The following EFHD1 variants were observed in gnomAD, a reference collection of about 807,000 sequenced individuals.
EFHD1 encodes the protein EF-hand domain family member D1.
A neutral mutation model predicts 17.2 loss-of-function variants in EFHD1; 10 were observed. That is an observed-to-expected ratio of 0.58 (90% confidence interval 0.36 to 0.99). EFHD1 has a LOEUF of 0.99. Ranked by LOEUF, EFHD1 falls within the 50% of genes least tolerant of loss-of-function variation. The pLI is 0.01. For synonymous variants in EFHD1, 153 were observed against 142.0 expected (o/e 1.08, Z -0.55); for missense variants, 310 against 327.5 (o/e 0.95, Z 0.41).
intron 1 of EFHD1, among the ~76,000 whole-genome samples, chr2:232,659,412 G>T (rs1694817900): frequency 6.6e-6 from 1 of 152,178 alleles, no homozygotes. Flanking sequence ...GAAGCAGGTG[G>T]CTCCCTGAGC....
chr2:232,681,522 A>G, intron 3 of EFHD1, 63 bp from the exon 4 acceptor site: 2 of 1,573,100 alleles, frequency 1.3e-6, no homozygotes, highest in Non-Finnish European at 8.6e-7. Flanking sequence ...CTCAGGTGTC[A>G]GCAGCTCCAG....
At chr2:232,624,660 T>A (rs904609203) in intron 1 of EFHD1, among the ~76,000 whole-genome samples, 1 of 152,246 alleles carries the variant, frequency 6.6e-6, no homozygotes, top group Non-Finnish European at 1.5e-5. Flanking sequence ...GTGAATCACT[T>A]TAAGGGTTTC....
chr2:232,613,517 C>G (rs1693844971), intron 1 of EFHD1, among the ~76,000 whole-genome samples: 1 of 151,950 alleles, frequency 6.6e-6, no homozygotes. Flanking sequence ...TTGAAAACAA[C>G]CCCAATGCTC....
chr2:232,608,299 G>A (rs1402428060), intron 1 of EFHD1, among the ~76,000 whole-genome samples: 2 of 152,078 alleles, frequency 1.3e-5, no homozygotes, highest in South Asian at 4.1e-4. Context: ...GAATCCGGGA[G>A]GCGGAGGTTG....
chr2:232,649,337 G>T (rs940113485), intron 1 of EFHD1, among the ~76,000 whole-genome samples: 2 of 152,184 alleles, frequency 1.3e-5, no homozygotes, highest in Admixed American at 6.5e-5. Context: ...TCACTCTACC[G>T]CTCAGTGGTG....
intron 1 of EFHD1, 58 bp downstream of exon 1, chr2:232,634,064 T>G (rs1301097238): frequency 9.5e-6 from 15 of 1,586,204 alleles, no homozygotes; most frequent in African/African-American, 1.3e-5. Context: ...GGGAGGGCTT[T>G]CTGGTCCGAA....
At chr2:232,631,294 CTCTCTCTCTG>C (rs1350476847), upstream of EFHD1, among the ~76,000 whole-genome samples, 9 of 151,638 alleles carry the variant, frequency 5.9e-5, no homozygotes, top group East Asian at 1.2e-3. Flanking sequence ...CTTTCTCTCT[CTCTCTCTCTG>C]TCTCTCTCTC....
chr2:232,660,206 T>A lies in EFHD1; in HGVS notation c.303-2596T>A, dbSNP rs988496649. 6.3e-4 allele frequency among the ~76,000 whole-genome samples: 82 copies of A among 130,192 alleles called. 1 individual carries two copies. The highest frequency in any genetic ancestry group is 1.3e-3 in the African/African-American group (48 of 38,168). 85.4% of individuals were successfully genotyped at this position (130,192 alleles called of 152,430 possible). A position where few individuals can be genotyped will look rare whatever the true frequency, so the allele number is the denominator to read the frequency against. Reference sequence around the variant, plus strand: ...TTTTATTTTATTTATTTATTTATTTTTTTTTTGAGGCGGAATCTTGCTCTG... The same window carrying A: ...TTTTATTTTATTTATTTATTTATTTATTTTTTGAGGCGGAATCTTGCTCTG... On this transcript the variant is annotated intron_variant, in intron 1 of 3. Coordinates refer to ENST00000264059, the MANE Select transcript of EFHD1 (RefSeq NM_025202.4).
chr2:232,616,526 T>C (rs1404984323), intron 1 of EFHD1, among the ~76,000 whole-genome samples: 1 of 151,806 alleles, frequency 6.6e-6, no homozygotes, highest in African/African-American at 2.4e-5. Context: ...CTTGAACTCC[T>C]GACCTCAGGT....
chr2:232,656,179 G>A (rs1200746938), intron 1 of EFHD1, among the ~76,000 whole-genome samples: 1 of 152,166 alleles, frequency 6.6e-6, no homozygotes, highest in East Asian at 1.9e-4. Context: ...CCTGAAGTGT[G>A]AGGTCTGTGT....
intron 1 of EFHD1, among the ~76,000 whole-genome samples, chr2:232,634,661 C>G (rs985373111): frequency 6.6e-6 from 1 of 152,148 alleles, no homozygotes; most frequent in Non-Finnish European, 1.5e-5. Context: ...CTGTGAGCCC[C>G]AGTGCGCGGG....
At chr2:232,670,968 A>G (rs985484305) in intron 2 of EFHD1, among the ~76,000 whole-genome samples, 70 of 152,346 alleles carry the variant, frequency 4.6e-4, no homozygotes, top group Non-Finnish European at 3.2e-4. Context: ...AAAATAGTAT[A>G]TACAGGTTTA....
chr2:232,681,841 C>T lies in EFHD1; in HGVS notation c.*122C>T, dbSNP rs535409226. 4.0e-5 allele frequency: 56 copies of T among 1,409,024 alleles called. No individual in the cohort carries two copies. The East Asian group carries it at 4.4e-4, about 11-fold the overall frequency. The allele number at this position is 1,409,024 out of a possible 1,614,324, so 87.3% of individuals were successfully genotyped here. A position where few individuals can be genotyped will look rare whatever the true frequency, so the allele number is the denominator to read the frequency against. ...GAGCCAGCATCTCCATCCACCACCC[C>T]GTGCCAGCTCCCGTGCCAGCCTTCA... On this transcript the variant is annotated 3_prime_UTR_variant, in exon 4 of 4. Transcript: ENST00000264059.
At chr2:232,658,688 G>A (rs910018897) in intron 1 of EFHD1, among the ~76,000 whole-genome samples, 4 of 152,068 alleles carry the variant, frequency 2.6e-5, no homozygotes, top group African/African-American at 9.7e-5. Flanking sequence ...GCTACAAAAT[G>A]TCCACAAGAG....
intron 1 of EFHD1, among the ~76,000 whole-genome samples, chr2:232,634,305 C>G (rs1312258483): frequency 1.3e-5 from 2 of 152,154 alleles, no homozygotes; most frequent in Non-Finnish European, 2.9e-5. Context: ...CCCCTCCGCC[C>G]GCCAGTCCGG....
chr2:232,609,620 A>G (rs1211720719), intron 1 of EFHD1, among the ~76,000 whole-genome samples: 1 of 152,046 alleles, frequency 6.6e-6, no homozygotes, highest in East Asian at 1.9e-4. Context: ...GAGACAGCCA[A>G]GGAGGAAGTC....
chr2:232,673,760 G>C (rs958198515), intron 3 of EFHD1, among the ~76,000 whole-genome samples: 1 of 152,056 alleles, frequency 6.6e-6, no homozygotes, highest in African/African-American at 2.4e-5. Flanking sequence ...TTTTGAGATG[G>C]AGTGTCGCTC....
chr2:232,648,663 G>GA (rs1694578808), intron 1 of EFHD1, among the ~76,000 whole-genome samples: 1 of 151,984 alleles, frequency 6.6e-6, no homozygotes, highest in Admixed American at 6.6e-5. Flanking sequence ...TCTCTGCCTT[G>GA]AACGTGCCCA....
intron 1 of EFHD1, among the ~76,000 whole-genome samples, chr2:232,658,474 G>A (rs188145213): frequency 1.3e-5 from 2 of 152,200 alleles, no homozygotes; most frequent in East Asian, 3.9e-4. Flanking sequence ...TGACAGTAAC[G>A]TTTCACAACT....
Sources: gnomAD v4.1 joint callset for allele counts (sites outside exome capture counted in the v4.1 genomes callset) on GRCh38, gnomAD v4.1.1 for gene constraint, MANE v1.5 for transcripts, NCBI Gene and HGNC (gene_info 2026-07-23, HGNC 2026-07-21) for gene names.